SAMD12: variants seen among roughly 807,000 people sequenced by gnomAD.
The protein encoded by SAMD12 is sterile alpha motif domain containing 12, also known as sterile alpha motif domain-containing protein 12.
A neutral mutation model predicts 15.0 loss-of-function variants in SAMD12; 9 were observed. That is an observed-to-expected ratio of 0.60 (90% CI 0.36 to 1.05). The LOEUF (loss-of-function observed/expected upper bound fraction) is 1.05. SAMD12 is among the 50% of genes least tolerant of loss of function. SAMD12 has a pLI of 0.01. For missense variants in SAMD12, 230 were observed against 234.2 expected (o/e 0.98, Z 0.12); for synonymous variants, 86 against 90.1 (o/e 0.96, Z 0.25).
intron 2 of SAMD12, among the ~76,000 whole-genome samples, chr8:118,576,165 G>C (rs1827145324): frequency 6.6e-6 from 1 of 152,122 alleles, no homozygotes; most frequent in South Asian, 2.1e-4. Context: ...TAATGATCAT[G>C]TTCTATGTCC....
chr8:118,584,238 AT>A (rs1236501302), intron 1 of SAMD12, among the ~76,000 whole-genome samples: 1 of 152,170 alleles, frequency 6.6e-6, no homozygotes, highest in Non-Finnish European at 1.5e-5. Context: ...AGAATTATTT[AT>A]TTAAAACCAT....
intron 4 of SAMD12, among the ~76,000 whole-genome samples, chr8:118,350,232 AAAAG>A (rs1456126298): frequency 2.0e-5 from 3 of 152,340 alleles, no homozygotes; most frequent in Non-Finnish European, 2.9e-5. Flanking sequence ...TAAGGCTAAG[AAAAG>A]AAAGGAACTT....
chr8:118,316,838 A>C (rs1178702290), intron 4 of SAMD12, among the ~76,000 whole-genome samples: 1 of 102,588 alleles, frequency 9.7e-6, no homozygotes, highest in African/African-American at 3.3e-5. Flanking sequence ...TTTTTTTTGT[A>C]AAGATGGAGT....
chr8:118,362,785 G>T (rs1167369205), intron 4 of SAMD12, among the ~76,000 whole-genome samples: 1 of 152,142 alleles, frequency 6.6e-6, no homozygotes, highest in African/African-American at 2.4e-5. Flanking sequence ...CAATTAAAAT[G>T]GCAACTAGCA....
the SAMD12 span, among the ~76,000 whole-genome samples, chr8:118,179,750 C>T: frequency 1.3e-5 from 2 of 152,110 alleles, no homozygotes; most frequent in African/African-American, 2.4e-5. Context: ...GGAGTGTTTG[C>T]GGTTTACTAT....
chr8:118,593,616 A>G lies in SAMD12; in HGVS notation c.14-12723T>C, dbSNP rs534919159. ...GTGCAGATTGTTAAATATTTCGATT[A>G]TCACATAAAGTCCTATTGAATAGTG... is the stretch of plus-strand genomic sequence containing the variant. On this transcript the variant is annotated intron_variant, in intron 1 of 3. Transcript: ENST00000314727. Among the ~76,000 whole-genome samples the G allele has an allele frequency of 3.3e-5, 5 of 152,336 alleles. No homozygotes were observed. In the East Asian group the frequency reaches 9.6e-4, roughly 29 times the overall value.
intron 3 of SAMD12, among the ~76,000 whole-genome samples, chr8:118,392,137 A>C (rs184057818): frequency 1.3e-5 from 2 of 152,316 alleles, no homozygotes; most frequent in African/African-American, 4.8e-5. Context: ...GCACAATAAA[A>C]AGTACTGTTG....
chr8:118,241,530 A>G (rs1384716594), intron 4 of SAMD12, among the ~76,000 whole-genome samples: 1 of 152,110 alleles, frequency 6.6e-6, no homozygotes, highest in Admixed American at 6.5e-5. Flanking sequence ...TGACTTTTTC[A>G]TGGAGAAGTT....
At chr8:118,587,588 A>T in intron 1 of SAMD12, among the ~76,000 whole-genome samples, 1 of 152,246 alleles carries the variant, frequency 6.6e-6, no homozygotes, top group South Asian at 2.1e-4. Context: ...CTGACAAAAG[A>T]GGAAAGATCT....
At chr8:118,348,998 C>A (rs1035004284) in intron 4 of SAMD12, among the ~76,000 whole-genome samples, 1 of 152,206 alleles carries the variant, frequency 6.6e-6, no homozygotes, top group Admixed American at 6.5e-5. Flanking sequence ...CAGAAGTGAT[C>A]TGCTTTTGAC....
Position 118,410,591 on chromosome 8 carries a change from A to G in SAMD12, c.322+29241T>C, listed in dbSNP as rs1236274014. On this transcript the variant is annotated intron_variant, in intron 3 of 3. Coordinates refer to ENST00000314727, the MANE Select transcript of SAMD12 (RefSeq NM_207506.3). The stretch of plus-strand genomic sequence containing the variant: ...AGATACCCACTACAGAAGAAGCTCA[A>G]TTATCCTGAGACAGTCATGTGTGAA... 1.3e-5 allele frequency among the ~76,000 whole-genome samples: 2 copies of G among 152,182 alleles called. 1 individual carries two copies. The highest frequency in any genetic ancestry group is 4.8e-5 in the African/African-American group (2 of 41,424).
Position 118,617,250 on chromosome 8 carries a change from T to TG in SAMD12, c.13+4553dup, listed in dbSNP as rs1309768851. Among the ~76,000 whole-genome samples, 4 of 152,276 alleles carry TG rather than the reference T, an allele frequency of 2.6e-5. No individual in the cohort carries two copies. In the East Asian group the frequency reaches 7.7e-4, roughly 29 times the overall value. ...GGTACAAAGTCATCATTTATGGGGC[T>TG]GCAAAGCCCAGTGTTTACCGTGACT... On this transcript the variant is annotated intron_variant, in intron 1 of 3. Coordinates refer to ENST00000314727, the MANE Select transcript of SAMD12 (RefSeq NM_207506.3).
intron 2 of SAMD12, among the ~76,000 whole-genome samples, chr8:118,552,008 C>A (rs1176609060): frequency 7.3e-5 from 11 of 151,396 alleles, no homozygotes; most frequent in Admixed American, 7.2e-4. Flanking sequence ...AGACCAATAA[C>A]AGGAGCTGAA....
chr8:118,252,484 A>G (rs1185065023), intron 4 of SAMD12, among the ~76,000 whole-genome samples: 1 of 145,466 alleles, frequency 6.9e-6, no homozygotes, highest in African/African-American at 2.9e-5. Context: ...CTGTCTTGGT[A>G]GTGCTCTCTT....
intron 4 of SAMD12, among the ~76,000 whole-genome samples, chr8:118,283,116 T>C (rs1339523982): frequency 2.1e-5 from 3 of 145,234 alleles, no homozygotes; most frequent in African/African-American, 5.3e-5. Flanking sequence ...AGTACTTCTC[T>C]GGTACTTTAT....
At chr8:118,523,598 G>C (rs1023553984) in intron 2 of SAMD12, among the ~76,000 whole-genome samples, 5 of 152,092 alleles carry the variant, frequency 3.3e-5, no homozygotes, top group African/African-American at 1.2e-4. Context: ...TCCATGAACT[G>C]AGCTCTCTCT....
chr8:118,133,132 T>A, the SAMD12 span, among the ~76,000 whole-genome samples: 1 of 150,806 alleles, frequency 6.6e-6, no homozygotes. Context: ...GGCATTTCAC[T>A]ATTATATTTT....
chr8:118,492,095 G>A (rs906198722), intron 2 of SAMD12, among the ~76,000 whole-genome samples: 2 of 146,140 alleles, frequency 1.4e-5, no homozygotes, highest in African/African-American at 5.1e-5. Flanking sequence ...AGTTCTGGTT[G>A]CTCCACATCA....
intron 2 of SAMD12, among the ~76,000 whole-genome samples, chr8:118,460,586 C>T (rs952687482): frequency 4.6e-5 from 7 of 152,186 alleles, no homozygotes; most frequent in Non-Finnish European, 1.0e-4. Flanking sequence ...AACAGGGTAT[C>T]TCTAGGACAG....
Sources: gnomAD v4.1 joint callset for allele counts (sites outside exome capture counted in the v4.1 genomes callset) on GRCh38, gnomAD v4.1.1 for gene constraint, MANE v1.5 for transcripts, NCBI Gene and HGNC (gene_info 2026-07-23, HGNC 2026-07-21) for gene names.